Variants in SPATA31G1 observed in about 807,000 individuals in gnomAD.
SPATA31G1 encodes the protein SPATA31 subfamily G member 1, also known as spermatogenesis-associated protein 31G1.
At chr9:35,042,249 A>G in the SPATA31G1 span, 1 of 1,613,596 alleles carries the variant, frequency 6.2e-7, no homozygotes, top group South Asian at 1.1e-5. Context: ...CAGAAGGCTA[A>G]GGGAAATGGA....
At chr9:35,042,497 G>C in the SPATA31G1 span, 1 of 1,614,162 alleles carries the variant, frequency 6.2e-7, no homozygotes, top group South Asian at 1.1e-5. Flanking sequence ...TGGGTGACCT[G>C]TGACTGTACA....
chr9:35,041,458 T>C, the SPATA31G1 span: 7 of 174,544 alleles, frequency 4.0e-5, no homozygotes, highest in African/African-American at 1.7e-4. Context: ...ATAATATTAT[T>C]GTGCTGGGTA....
At chr9:35,045,726 C>T in the SPATA31G1 span, 3 of 1,614,124 alleles carry the variant, frequency 1.9e-6, no homozygotes, top group Non-Finnish European at 1.7e-6. Context: ...GACCCCTCGC[C>T]ACTGTAAGCA....
chr9:35,045,243 C>T, the SPATA31G1 span: 3 of 1,614,138 alleles, frequency 1.9e-6, no homozygotes, highest in Non-Finnish European at 2.5e-6. Flanking sequence ...CTCTTCCCAG[C>T]TTCAGCCACA....
At chr9:35,041,161 A>G in the SPATA31G1 span, 1 of 452,584 alleles carries the variant, frequency 2.2e-6, no homozygotes, top group Admixed American at 2.4e-5. Context: ...AGAAAGGTAA[A>G]AACACCTTCA....
the SPATA31G1 span, chr9:35,045,867 T>C: frequency 6.4e-4 from 1,023 of 1,595,542 alleles, 19 homozygotes; most frequent in South Asian, 0.011. Context: ...ATCTAGTCAG[T>C]AGAGAAAAGG....
the SPATA31G1 span, chr9:35,043,013 T>A: frequency 1.9e-6 from 3 of 1,614,082 alleles, no homozygotes; most frequent in Non-Finnish European, 2.5e-6. Flanking sequence ...AAGCTCCCAC[T>A]GGAGAGCAAG....
the SPATA31G1 span, chr9:35,042,560 GC>G: frequency 1.1e-5 from 17 of 1,600,336 alleles, no homozygotes; most frequent in Non-Finnish European, 1.4e-5. Context: ...ATGAATGTGG[GC>G]CCAGGTGAGT....
chr9:35,042,796 C>G, the SPATA31G1 span: 1 of 1,561,090 alleles, frequency 6.4e-7, no homozygotes, highest in Non-Finnish European at 8.7e-7. Context: ...GACTGAGTGC[C>G]TCATAGCAAA....
At chr9:35,043,566 C>T in the SPATA31G1 span, 33 of 1,614,058 alleles carry the variant, frequency 2.0e-5, no homozygotes, top group Admixed American at 1.7e-4. Context: ...TGGAACTAGC[C>T]CCCTGGAAGT....
the SPATA31G1 span, chr9:35,044,608 C>T: frequency 1.2e-6 from 2 of 1,614,160 alleles, no homozygotes; most frequent in South Asian, 2.2e-5. Context: ...GTAAGTGAGC[C>T]TATCGCAGAC....
chr9:35,042,240 A>G, the SPATA31G1 span: 4 of 1,612,524 alleles, frequency 2.5e-6, no homozygotes, highest in South Asian at 3.3e-5. Context: ...GTAAACTGCC[A>G]GAAGGCTAAG....
At chr9:35,042,568 G>A in the SPATA31G1 span, 5 of 1,594,028 alleles carry the variant, frequency 3.1e-6, no homozygotes, top group African/African-American at 6.7e-5. Context: ...GGGCCCAGGT[G>A]AGTGACTATA....
chr9:35,044,910 G>T, the SPATA31G1 span: 1 of 1,614,112 alleles, frequency 6.2e-7, no homozygotes, highest in Non-Finnish European at 8.5e-7. Context: ...TAAGGCAGAG[G>T]CCCCACTCTC....
the SPATA31G1 span, chr9:35,041,957 A>C: frequency 3.4e-6 from 1 of 293,004 alleles, no homozygotes; most frequent in Admixed American, 4.5e-5. Context: ...TGAAAAAATT[A>C]AGTAGTTTGA....
chr9:35,043,744 T>C, the SPATA31G1 span: 12 of 1,614,062 alleles, frequency 7.4e-6, no homozygotes, highest in Non-Finnish European at 9.3e-6. Context: ...TGGGGAACCG[T>C]GGGATACAGA....
At chr9:35,044,426 C>G in the SPATA31G1 span, 1 of 1,614,118 alleles carries the variant, frequency 6.2e-7, no homozygotes, top group African/African-American at 1.3e-5. Flanking sequence ...ACTCCTGGGC[C>G]TCTAAGCACC....
At chr9:35,041,997 A>C in the SPATA31G1 span, 1 of 428,834 alleles carries the variant, frequency 2.3e-6, no homozygotes, top group Non-Finnish European at 4.1e-6. Context: ...TGACAGAGCT[A>C]TGATTTGAAT....
chr9:35,044,617 A>T, the SPATA31G1 span: 1 of 1,614,134 alleles, frequency 6.2e-7, no homozygotes, highest in East Asian at 2.2e-5. Context: ...CCTATCGCAG[A>T]CCAAAGCAAC....
Sources: allele counts gnomAD v4.1 joint callset, GRCh38; gene constraint gnomAD v4.1.1; transcripts MANE v1.5; gene names NCBI Gene and HGNC (gene_info 2026-07-23, HGNC 2026-07-21).